Variants in IGF1 observed in about 807,000 individuals in gnomAD.
The protein encoded by IGF1 is insulin like growth factor 1, also known as insulin-like growth factor 1.
Under a neutral mutation model 13.8 loss-of-function variants are expected in IGF1, and 4 were observed. The observed-to-expected ratio is 0.29, with a 90% CI of 0.14 to 0.66. The LOEUF (loss-of-function observed/expected upper bound fraction) is 0.66. IGF1 is among the 30% of genes least tolerant of loss of function. The probability of loss-of-function intolerance (pLI) is 0.78; values close to 1 mark genes in which losing one functional copy is unlikely to be tolerated. For synonymous variants in IGF1, 76 were observed against 72.6 expected (o/e 1.05, Z -0.23); for missense variants, 124 against 188.5 (o/e 0.66, Z 2.00).
intron 3 of IGF1, among the ~76,000 whole-genome samples, chr12:102,408,925 C>T (rs1207801633): frequency 6.6e-6 from 1 of 152,196 alleles, no homozygotes; most frequent in African/African-American, 2.4e-5. Context: ...TCTGTTCACA[C>T]ATTAATTCCC....
At chr12:102,465,064 G>A (rs1253190599) in intron 2 of IGF1, among the ~76,000 whole-genome samples, 2 of 152,194 alleles carry the variant, frequency 1.3e-5, no homozygotes, top group Non-Finnish European at 2.9e-5. Flanking sequence ...GCATTCTGAA[G>A]ATACATTAAT....
chr12:102,412,842 G>A (rs866746889), intron 3 of IGF1, among the ~76,000 whole-genome samples: 9 of 151,994 alleles, frequency 5.9e-5, no homozygotes, highest in East Asian at 3.9e-4. Context: ...TTAAACATAC[G>A]TTTATATTTT....
chr12:102,430,214 T>C (rs1213003068), intron 2 of IGF1, among the ~76,000 whole-genome samples: 1 of 152,158 alleles, frequency 6.6e-6, no homozygotes, highest in Non-Finnish European at 1.5e-5. Flanking sequence ...AACATTCCTT[T>C]CTGATACACA....
intron 2 of IGF1, among the ~76,000 whole-genome samples, chr12:102,464,549 T>C (rs2137215663): frequency 1.3e-5 from 2 of 150,912 alleles, no homozygotes; most frequent in Non-Finnish European, 2.9e-5. Context: ...ATAGAGAGAA[T>C]GAAAATTTAC....
chr12:102,441,998 G>GT (rs1877901756), intron 2 of IGF1, among the ~76,000 whole-genome samples: 1 of 133,732 alleles, frequency 7.5e-6, no homozygotes, highest in Non-Finnish European at 1.6e-5. Context: ...TGCCCAGGCT[G>GT]GAGTGCAGTG....
At chr12:102,405,386 C>G (rs746048941) in intron 3 of IGF1, among the ~76,000 whole-genome samples, 4 of 151,982 alleles carry the variant, frequency 2.6e-5, no homozygotes, top group Non-Finnish European at 5.9e-5. Flanking sequence ...TCATGCCTGG[C>G]CGTGTTCTGC....
intron 2 of IGF1, among the ~76,000 whole-genome samples, chr12:102,434,323 C>T (rs1241858844): frequency 7.2e-6 from 1 of 138,598 alleles, no homozygotes; most frequent in African/African-American, 2.7e-5. Context: ...CAACAGTCCC[C>T]AGAGTGTGAT....
Position 102,475,686 on chromosome 12 carries a change from C to T in IGF1, c.177G>A (p.Val59=), listed in dbSNP as rs1389817011. ...CTCCACACACGAACTGAAGAGCATC[C>T]ACCAGCTCAGCCCCGCAGAGCGTCT... is the stretch of plus-strand genomic sequence containing the variant. ...GPETLCGAEL[V]DALQFVCGDR... is the part of the protein sequence containing the mutation. The change falls in exon 2 of 4, where the codon GTG becomes GTA. Residue 59 remains valine (V), a synonymous_variant. Transcript: ENST00000337514. 2.5e-6 allele frequency: 4 copies of T among 1,614,202 alleles called. No homozygotes were observed. The East Asian group carries it at 8.9e-5, about 36-fold the overall frequency.
At position 102,417,803 on chromosome 12, in the gene IGF1, T is replaced by C. The variant is rs1875282639; in HGVS notation, c.402+1706A>G. 3 of 1,613,586 alleles carry C rather than the reference T, an allele frequency of 1.9e-6. No individual in the cohort carries two copies. The African/African-American group carries it at 4.0e-5, about 22-fold the overall frequency. Reference sequence around the variant, plus strand: ...CTCATCATCCTTGCCTCTGTCTGTTTAATCCTCCTGTCCTTCATTTTCCTT... The same window carrying C: ...CTCATCATCCTTGCCTCTGTCTGTTCAATCCTCCTGTCCTTCATTTTCCTT... On this transcript the variant is annotated intron_variant, in intron 3 of 3. Transcript: ENST00000337514.
At chr12:102,421,912 CAG>C (rs1041398287) in intron 2 of IGF1, among the ~76,000 whole-genome samples, 1 of 152,132 alleles carries the variant, frequency 6.6e-6, no homozygotes, top group African/African-American at 2.4e-5. Context: ...CTTGGGATGG[CAG>C]AGAGAGTTTC....
intron 2 of IGF1, among the ~76,000 whole-genome samples, chr12:102,421,241 G>A (rs887188196): frequency 6.6e-6 from 1 of 152,170 alleles, no homozygotes; most frequent in Non-Finnish European, 1.5e-5. Flanking sequence ...AGAGTCTGCT[G>A]TGCAGATCTC....
chr12:102,396,676 A>G lies in IGF1; in HGVS notation c.*5831T>C. 2.6e-6 allele frequency: 1 copy of G among 388,654 alleles called. No individual in the cohort carries two copies. The highest frequency in any genetic ancestry group is 4.5e-6 in the Non-Finnish European group (1 of 220,308). The allele number at this position is 388,654 out of a possible 1,614,324, so 24.1% of individuals were successfully genotyped here. On this transcript the variant is annotated 3_prime_UTR_variant, in exon 4 of 4. Transcript: ENST00000337514. ...AAAGGCAGATTCTAAGGATTGTGGA[A>G]GGTCATGTTTTTGAAAGTGAAAGGT...
At chr12:102,455,361 A>G (rs983944385) in intron 2 of IGF1, among the ~76,000 whole-genome samples, 2 of 152,238 alleles carry the variant, frequency 1.3e-5, no homozygotes, top group Admixed American at 1.3e-4. Context: ...GAGGTCACAC[A>G]CAGAAACAGT....
chr12:102,421,177 T>C (rs1875681629), intron 2 of IGF1, among the ~76,000 whole-genome samples: 1 of 152,128 alleles, frequency 6.6e-6, no homozygotes, highest in Non-Finnish European at 1.5e-5. Context: ...TTGTCATTCT[T>C]AGGGCAGCTG....
intron 2 of IGF1, among the ~76,000 whole-genome samples, chr12:102,461,459 C>T (rs1383119786): frequency 6.7e-6 from 1 of 148,220 alleles, no homozygotes; most frequent in Non-Finnish European, 1.5e-5. Context: ...CTAATTAACT[C>T]AGACCCATAA....
rs1873348934 is a variant in IGF1 at position 102,397,930 on chromosome 12, T to G, written c.*4577A>C. On this transcript the variant is annotated 3_prime_UTR_variant, in exon 4 of 4. Coordinates refer to ENST00000337514, the MANE Select transcript of IGF1 (RefSeq NM_000618.5). ...TAGCAAAACATTTTAAATAGTCTGA[T>G]TATAGCTTCAACAAGTCAAACATAC... 6.6e-6 allele frequency: 1 copy of G among 152,374 alleles called. No homozygotes were observed. Among genetic ancestry groups the G allele is most frequent in the Admixed American group, 6.5e-5 (1 of 15,294 alleles). The allele number at this position is 152,374 out of a possible 1,614,324, so 9.4% of individuals were successfully genotyped here.
At chr12:102,404,129 A>G (rs1388901772) in intron 3 of IGF1, among the ~76,000 whole-genome samples, 2 of 152,214 alleles carry the variant, frequency 1.3e-5, no homozygotes, top group Non-Finnish European at 2.9e-5. Flanking sequence ...AGCCCTCTAC[A>G]GAAGGATGTA....
chr12:102,453,819 T>C (rs1469398000), intron 2 of IGF1, among the ~76,000 whole-genome samples: 1 of 152,220 alleles, frequency 6.6e-6, no homozygotes, highest in East Asian at 1.9e-4. Context: ...CCTGGATTCG[T>C]TGCACTTAGA....
intron 2 of IGF1, among the ~76,000 whole-genome samples, chr12:102,440,601 A>C (rs936178818): frequency 6.6e-6 from 1 of 152,154 alleles, no homozygotes; most frequent in African/African-American, 2.4e-5. Flanking sequence ...GTTAGAAGGA[A>C]CATTTTAAAT....
Sources: allele counts gnomAD v4.1 joint callset (sites outside exome capture counted in the v4.1 genomes callset), GRCh38; gene constraint gnomAD v4.1.1; transcripts MANE v1.5; gene names NCBI Gene and HGNC (gene_info 2026-07-23, HGNC 2026-07-21).